Variants in XPNPEP1 observed in about 807,000 individuals in gnomAD.
The protein encoded by XPNPEP1 is xaa-Pro aminopeptidase 1.
XPNPEP1 carries 39 observed loss-of-function variants against 92.4 expected under a neutral mutation model. The ratio of observed to expected loss-of-function variants is 0.42; its 90% CI spans 0.33 to 0.55. XPNPEP1 has a LOEUF of 0.55. Ranked by LOEUF, XPNPEP1 falls within the 20% of genes least tolerant of loss-of-function variation. The pLI is 0.08. For synonymous variants in XPNPEP1, 307 were observed against 299.4 expected (o/e 1.03, Z -0.26); for missense variants, 654 against 856.1 (o/e 0.76, Z 2.95).
intron 2 of XPNPEP1, among the ~76,000 whole-genome samples, chr10:109,914,289 C>T (rs1850048939): frequency 6.6e-6 from 1 of 152,084 alleles, no homozygotes; most frequent in Non-Finnish European, 1.5e-5. Flanking sequence ...TTATAAAGGA[C>T]AATAATATAT....
At chr10:109,918,833 G>GAGGA (rs1210266532) in intron 1 of XPNPEP1, among the ~76,000 whole-genome samples, 1,231 of 112,780 alleles carry the variant, frequency 0.011, 27 homozygotes, top group South Asian at 0.022. Context: ...GAAAGGAAAG[G>GAGGA]AGGAAGGAAG....
chr10:109,875,337 G>C (rs563037312), intron 15 of XPNPEP1, among the ~76,000 whole-genome samples, 191 bp downstream of exon 15: 1 of 152,156 alleles, frequency 6.6e-6, no homozygotes, highest in Non-Finnish European at 1.5e-5. Flanking sequence ...ACAGTCTTTT[G>C]TGAGAACAGA....
At chr10:109,918,145 G>A (rs1656961443) in intron 1 of XPNPEP1, among the ~76,000 whole-genome samples, 1 of 151,878 alleles carries the variant, frequency 6.6e-6, no homozygotes, top group South Asian at 2.1e-4. Context: ...AAAAAGCCCA[G>A]GCACAATGAC....
intron 2 of XPNPEP1, among the ~76,000 whole-genome samples, chr10:109,911,117 C>T (rs1564791093): frequency 6.6e-6 from 1 of 152,258 alleles, no homozygotes; most frequent in African/African-American, 2.4e-5. Context: ...CACTTATCAT[C>T]TGCAGCAAGG....
rs1425466433 is a variant in XPNPEP1 at position 109,870,047 on chromosome 10, C to G, written c.1697-18G>C. Reference sequence around the variant, plus strand: ...CCCGGGCTCTAAAACAAACCAAATCCCAAAAATGAGAAGCAGCCCACGATG... The same window carrying G: ...CCCGGGCTCTAAAACAAACCAAATCGCAAAAATGAGAAGCAGCCCACGATG... On this transcript the variant is annotated intron_variant, in intron 18 of 20. Transcript: ENST00000502935. The G allele has an allele frequency of 6.2e-7, 1 of 1,613,148 alleles. No individual in the cohort carries two copies. Among genetic ancestry groups the G allele is most frequent in the African/African-American group, 1.3e-5 (1 of 74,848 alleles).
chr10:109,874,008 T>C (rs1245291112), intron 15 of XPNPEP1, among the ~76,000 whole-genome samples: 1 of 152,192 alleles, frequency 6.6e-6, no homozygotes, highest in Non-Finnish European at 1.5e-5. Flanking sequence ...CTATTGGGTA[T>C]GAGGTTTCTT....
Position 109,864,926 on chromosome 10 carries a change from G to T in XPNPEP1, c.*258C>A. 3 of 471,918 alleles carry T rather than the reference G, an allele frequency of 6.4e-6. No individual in the cohort carries two copies. Among genetic ancestry groups the T allele is most frequent in the Non-Finnish European group, 1.1e-5 (3 of 265,420 alleles). The allele number at this position is 471,918 out of a possible 1,614,324, so 29.2% of individuals were successfully genotyped here. ...TCGGGGCATCTTCCTTTCACCAAGTGTTCAACTTTGGAGGGACCCTCCTTC... is the reference window on the plus strand; with the variant it reads ...TCGGGGCATCTTCCTTTCACCAAGTTTTCAACTTTGGAGGGACCCTCCTTC... On this transcript the variant is annotated 3_prime_UTR_variant, in exon 21 of 21. Transcript: ENST00000502935.
intron 2 of XPNPEP1, among the ~76,000 whole-genome samples, chr10:109,914,246 TC>T (rs2133559520): frequency 6.6e-6 from 1 of 152,272 alleles, no homozygotes; most frequent in Admixed American, 6.5e-5. Context: ...AAGAAATATT[TC>T]CCAAAAAGAC....
rs1261379064 is a variant in XPNPEP1 at position 109,883,941 on chromosome 10, A to G, written c.830+126T>C. ...GAAAACAAGAAGGGAAAATGTTAAA[A>G]GGGCAAGAAAAAAGAAGCACATCAG... On this transcript the variant is annotated intron_variant, in intron 9 of 20. Coordinates refer to ENST00000502935, the MANE Select transcript of XPNPEP1 (RefSeq NM_020383.4). 5.1e-6 allele frequency: 4 copies of G among 789,352 alleles called. No homozygotes were observed. The Admixed American group carries it at 8.6e-5, about 17-fold the overall frequency. The allele number at this position is 789,352 out of a possible 1,614,324, so 48.9% of individuals were successfully genotyped here.
At chr10:109,884,187 T>G (rs369672328) in intron 8 of XPNPEP1, 39 bp from the exon 9 acceptor site, 3 of 1,599,722 alleles carry the variant, frequency 1.9e-6, no homozygotes, top group Non-Finnish European at 2.6e-6. Context: ...CTGTCTGACT[T>G]AAGATGTTAA....
chr10:109,922,586 G>A (rs1850602940), intron 1 of XPNPEP1, among the ~76,000 whole-genome samples: 2 of 152,178 alleles, frequency 1.3e-5, no homozygotes, highest in South Asian at 4.1e-4. Flanking sequence ...AAGAAAGCCT[G>A]GCCATGCTGC....
intron 1 of XPNPEP1, among the ~76,000 whole-genome samples, chr10:109,915,741 C>T (rs1331914846): frequency 6.6e-6 from 1 of 152,210 alleles, no homozygotes; most frequent in Non-Finnish European, 1.5e-5. Flanking sequence ...AAGATTTACA[C>T]ACAAACTTCT....
chr10:109,916,270 G>T (rs1385599977), intron 1 of XPNPEP1, among the ~76,000 whole-genome samples: 1 of 152,154 alleles, frequency 6.6e-6, no homozygotes, highest in Non-Finnish European at 1.5e-5. Context: ...ACGGCTAGGG[G>T]AACAATGTTC....
intron 3 of XPNPEP1, among the ~76,000 whole-genome samples, chr10:109,899,955 C>A (rs531148989): frequency 6.6e-6 from 1 of 152,318 alleles, no homozygotes; most frequent in South Asian, 2.1e-4. Flanking sequence ...TGAAAGTATC[C>A]AGATTACCAG....
At position 109,870,913 on chromosome 10, in the gene XPNPEP1, CAT is replaced by C. The variant is rs1393478753; in HGVS notation, c.1523-11_1523-10del. 1 of 1,611,662 alleles carries C rather than the reference CAT, an allele frequency of 6.2e-7. No homozygotes were observed. The highest frequency in any genetic ancestry group is 1.7e-5 in the Admixed American group (1 of 59,442). ...GGAGTCAAGAAGGTGACCTGAAAGA[CAT>C]AAAGAGCCACTTAATTGTATTTGTA... On this transcript the variant is annotated splice_polypyrimidine_tract_variant and intron_variant, in intron 17 of 20. Coordinates refer to ENST00000502935, the MANE Select transcript of XPNPEP1 (RefSeq NM_020383.4).
intron 18 of XPNPEP1, among the ~76,000 whole-genome samples, chr10:109,870,486 C>T (rs1036591988): frequency 6.6e-6 from 1 of 152,036 alleles, no homozygotes; most frequent in Non-Finnish European, 1.5e-5. Flanking sequence ...AAAGCTAATA[C>T]AGTAAAACAC....
chr10:109,906,622 G>A (rs1849573392), intron 3 of XPNPEP1, among the ~76,000 whole-genome samples: 1 of 152,186 alleles, frequency 6.6e-6, no homozygotes, highest in Non-Finnish European at 1.5e-5. Flanking sequence ...TCTCAAGGCA[G>A]TTTCTATTAC....
chr10:109,921,620 C>A (rs1375553907), intron 1 of XPNPEP1, among the ~76,000 whole-genome samples: 1 of 152,222 alleles, frequency 6.6e-6, no homozygotes, highest in Non-Finnish European at 1.5e-5. Context: ...CAAGGGTAAA[C>A]TGGAACAAGT....
At chr10:109,914,925 CTCT>C (rs1850102918) in intron 2 of XPNPEP1, 83 bp downstream of exon 2, 6 of 761,830 alleles carry the variant, frequency 7.9e-6, no homozygotes, top group Admixed American at 2.8e-5. Flanking sequence ...ATTCCTTACC[CTCT>C]TCTTCTCACC....
Sources: gnomAD v4.1 joint callset for allele counts (sites outside exome capture counted in the v4.1 genomes callset) on GRCh38, gnomAD v4.1.1 for gene constraint, MANE v1.5 for transcripts, NCBI Gene and HGNC (gene_info 2026-07-23, HGNC 2026-07-21) for gene names.